The following ARL13A variants were observed in gnomAD, a reference collection of about 807,000 sequenced individuals.
ARL13A encodes ADP-ribosylation factor-like protein 13A.
A neutral mutation model predicts 19.1 loss-of-function variants in ARL13A; 16 were observed. That is an observed-to-expected ratio of 0.84 (90% CI 0.57 to 1.27). The LOEUF is 1.27. Among genes scored for constraint, ARL13A ranks in the 50% most tolerant of loss-of-function variants. ARL13A has a pLI of 0.00. For synonymous variants in ARL13A, 69 were observed against 71.3 expected, an observed-to-expected ratio of 0.97 and a Z score of 0.17; for missense variants, 153 against 186.4, an observed-to-expected ratio of 0.82 and a Z score of 1.04.
At chrX:100,980,405 C>T (rs1350306773) in intron 3 of ARL13A, among the ~76,000 whole-genome samples, 20 of 109,976 alleles carry the variant, frequency 1.8e-4, no homozygotes, top group Non-Finnish European at 3.8e-4. Context: ...CTGGCTACCA[C>T]CAATGTTTAT....
intron 1 of ARL13A, among the ~76,000 whole-genome samples, chrX:100,973,440 C>T (rs966477131): frequency 1.9e-5 from 2 of 107,067 alleles, no homozygotes; most frequent in Admixed American, 9.9e-5. Flanking sequence ...CTCGCCGGCG[C>T]GGCGGCAAAG....
intron 5 of ARL13A, 38 bp downstream of exon 5, chrX:100,986,939 C>A: frequency 1.0e-6 from 1 of 981,071 alleles, no homozygotes; most frequent in Non-Finnish European, 1.4e-6. Context: ...TCCTCTGGAG[C>A]CCAGCTGATG....
chrX:100,986,730 G>T, intron 4 of ARL13A, 66 bp from the exon 5 acceptor site: 3 of 696,542 alleles, frequency 4.3e-6, no homozygotes, highest in Middle Eastern at 3.1e-4. Context: ...TTCTTTTCTC[G>T]CCTTTTGCTT....
chrX:100,982,548 G>A (rs767910618), intron 3 of ARL13A, among the ~76,000 whole-genome samples: 18 of 109,844 alleles, frequency 1.6e-4, no homozygotes, highest in South Asian at 3.9e-4. Flanking sequence ...TGGATACTGA[G>A]AACCAATAAC....
intron 3 of ARL13A, among the ~76,000 whole-genome samples, chrX:100,977,979 T>C (rs1013756309): frequency 1.8e-5 from 2 of 112,301 alleles, no homozygotes; most frequent in Non-Finnish European, 3.8e-5. Flanking sequence ...GGACACCAGA[T>C]ATCTCTTCAA....
intron 3 of ARL13A, among the ~76,000 whole-genome samples, chrX:100,984,298 T>G (rs1344286014): frequency 9.1e-6 from 1 of 109,813 alleles, no homozygotes; most frequent in African/African-American, 3.3e-5. Flanking sequence ...TTTGTTTTTT[T>G]TTTTCTTTTT....
At chrX:100,979,152 T>C (rs2147967282) in intron 3 of ARL13A, among the ~76,000 whole-genome samples, 1 of 112,119 alleles carries the variant, frequency 8.9e-6, no homozygotes, top group African/African-American at 3.2e-5. Flanking sequence ...TATGAGTAGT[T>C]TACATACCAC....
At position 100,987,133 on chromosome X, in the gene ARL13A, G is replaced by T. The variant is rs929277589; in HGVS notation, c.486+232G>T. Among the ~76,000 whole-genome samples, 11 of 111,914 alleles carry T rather than the reference G, an allele frequency of 9.8e-5. No individual in the cohort carries two copies. The Admixed American group carries it at 1.0e-3, about 11-fold the overall frequency. ...CCATTTTATGGATAAAAAAGCCAAG[G>T]CTCAGAGACTCTACGTGACTTGCTC... is the stretch of plus-strand genomic sequence containing the variant. On this transcript the variant is annotated intron_variant, in intron 5 of 7. Transcript: ENST00000450049.
intron 3 of ARL13A, among the ~76,000 whole-genome samples, chrX:100,978,842 G>A (rs2085808648): frequency 9.1e-6 from 1 of 109,375 alleles, no homozygotes; most frequent in Non-Finnish European, 1.9e-5. Flanking sequence ...TATATTTTTT[G>A]TCTATCTGTT....
rs1446503831 is a variant in ARL13A at position 100,990,148 on chromosome X, G to A, written c.745-414G>A. ...AATACTACTTAAATGAAGGGCAGAGGGGAGAGAGCAAGAGTGAGAGAAAGT... is the reference window on the plus strand; with the variant it reads ...AATACTACTTAAATGAAGGGCAGAGAGGAGAGAGCAAGAGTGAGAGAAAGT... On this transcript the variant is annotated intron_variant, in intron 7 of 7. Coordinates refer to ENST00000450049, the MANE Select transcript of ARL13A (RefSeq NM_001162491.2). 4.5e-5 allele frequency among the ~76,000 whole-genome samples: 5 copies of A among 111,616 alleles called. No individual in the cohort carries two copies. The East Asian group carries it at 1.4e-3, about 32-fold the overall frequency.
intron 7 of ARL13A, among the ~76,000 whole-genome samples, chrX:100,988,846 T>C (rs2085974475): frequency 2.1e-5 from 1 of 46,610 alleles, no homozygotes; most frequent in South Asian, 1.2e-3. Flanking sequence ...TGAGATAATA[T>C]ATCTCATATA....
chrX:100,972,527 G>C (rs1245122274), intron 1 of ARL13A, among the ~76,000 whole-genome samples: 1 of 82,282 alleles, frequency 1.2e-5, no homozygotes, highest in African/African-American at 4.7e-5. Flanking sequence ...GCGGCTGGCC[G>C]GGCGGGGGAC....
intron 1 of ARL13A, 138 bp from the exon 2 acceptor site, chrX:100,973,538 T>C: frequency 2.1e-6 from 2 of 938,609 alleles, no homozygotes; most frequent in Non-Finnish European, 2.9e-6. Flanking sequence ...TAGACACAGT[T>C]GGATAGAATG....
intron 3 of ARL13A, among the ~76,000 whole-genome samples, chrX:100,984,100 CT>C (rs199596889): frequency 0.015 from 1,564 of 101,563 alleles, 43 homozygotes; most frequent in African/African-American, 0.052. Context: ...CATTTTCCTT[CT>C]TTTTTTTTTG....
chrX:100,982,470 A>AAATAAAT (rs2085872873), intron 3 of ARL13A, among the ~76,000 whole-genome samples: 1 of 91,277 alleles, frequency 1.1e-5, no homozygotes, highest in African/African-American at 4.0e-5. Flanking sequence ...CCAGGCTTAA[A>AAATAAAT]AAATAAATAA....
At chrX:100,987,273 C>T (rs2085948252) in intron 5 of ARL13A, 117 bp from the exon 6 acceptor site, 1 of 732,898 alleles carries the variant, frequency 1.4e-6, no homozygotes, top group African/African-American at 2.2e-5. Context: ...CTCAGAGCCT[C>T]TCTAGGCATA....
intron 3 of ARL13A, among the ~76,000 whole-genome samples, chrX:100,975,655 C>G (rs1162728003): frequency 9.8e-6 from 1 of 102,508 alleles, no homozygotes; most frequent in Non-Finnish European, 2.0e-5. Context: ...TTCTCTGAGA[C>G]AGAGTCTTGT....
intron 3 of ARL13A, 140 bp downstream of exon 3, chrX:100,974,337 GC>G: frequency 4.6e-6 from 2 of 435,580 alleles, no homozygotes; most frequent in Non-Finnish European, 8.2e-6. Context: ...TAACACACAC[GC>G]ACACACACAC....
intron 3 of ARL13A, among the ~76,000 whole-genome samples, chrX:100,984,459 C>T (rs2085909580): frequency 9.0e-6 from 1 of 111,594 alleles, no homozygotes; most frequent in Non-Finnish European, 1.9e-5. Context: ...TTTTCAACTC[C>T]ATTTCTATGG....
Sources: allele counts gnomAD v4.1 joint callset (sites outside exome capture counted in the v4.1 genomes callset), GRCh38; gene constraint gnomAD v4.1.1; transcripts MANE v1.5; gene names NCBI Gene and HGNC (gene_info 2026-07-23, HGNC 2026-07-21).